Variants in ATXN7 observed in about 807,000 individuals in gnomAD.
ATXN7 encodes ataxin-7.
ATXN7 carries 12 observed loss-of-function variants against 70.5 expected under a neutral mutation model. The ratio of observed to expected loss-of-function variants is 0.17; its 90% CI spans 0.11 to 0.28. ATXN7 has a LOEUF of 0.28. Ranked by LOEUF, ATXN7 falls within the 10% of genes least tolerant of loss-of-function variation. The probability of loss-of-function intolerance (pLI) is 1.00; values close to 1 mark genes in which losing one functional copy is unlikely to be tolerated. For missense variants in ATXN7, 1,256 were observed against 1,131.7 expected (o/e 1.11, Z -1.58); for synonymous variants, 498 against 448.7 (o/e 1.11, Z -1.39).
chr3:63,969,078 A>T (rs2075271882), intron 5 of ATXN7, among the ~76,000 whole-genome samples: 1 of 152,208 alleles, frequency 6.6e-6, no homozygotes, highest in African/African-American at 2.4e-5. Context: ...CAGCCCTGGC[A>T]TGCAGGTGGA....
chr3:63,931,034 T>TGA (rs1480858752), intron 4 of ATXN7, among the ~76,000 whole-genome samples: 1 of 152,140 alleles, frequency 6.6e-6, no homozygotes, highest in African/African-American at 2.4e-5. Context: ...TAAGAAAAGG[T>TGA]GAGACACAAG....
intron 1 of ATXN7, among the ~76,000 whole-genome samples, chr3:63,887,567 C>T (rs1206684233): frequency 6.6e-6 from 1 of 151,902 alleles, no homozygotes; most frequent in Non-Finnish European, 1.5e-5. Flanking sequence ...TTAGATGGAT[C>T]TCTGTTTTAT....
chr3:63,959,896 A>G (rs1429689321), intron 5 of ATXN7, among the ~76,000 whole-genome samples: 2 of 152,212 alleles, frequency 1.3e-5, no homozygotes, highest in Admixed American at 6.5e-5. Flanking sequence ...GGTGCCTAAT[A>G]TATGCTAGGC....
At chr3:63,943,444 T>C (rs962227922) in intron 4 of ATXN7, among the ~76,000 whole-genome samples, 1 of 152,110 alleles carries the variant, frequency 6.6e-6, no homozygotes. Flanking sequence ...GAGTGGGCCC[T>C]GGTAAGCACG....
At chr3:63,900,311 G>T (rs1703588229) in intron 2 of ATXN7, among the ~76,000 whole-genome samples, 1 of 152,196 alleles carries the variant, frequency 6.6e-6, no homozygotes, top group African/African-American at 2.4e-5. Context: ...AAAAATGGTA[G>T]CATTTCAGAC....
chr3:63,887,576 A>G (rs2107237354), intron 1 of ATXN7, among the ~76,000 whole-genome samples: 1 of 151,998 alleles, frequency 6.6e-6, no homozygotes, highest in Admixed American at 6.6e-5. Flanking sequence ...TCTCTGTTTT[A>G]TTATTTATTT....
At chr3:63,961,450 C>A (rs139234571) in intron 5 of ATXN7, among the ~76,000 whole-genome samples, 1 of 152,242 alleles carries the variant, frequency 6.6e-6, no homozygotes, top group Non-Finnish European at 1.5e-5. Flanking sequence ...TATTGATTCT[C>A]CGCATGGAAC....
intron 1 of ATXN7, among the ~76,000 whole-genome samples, chr3:63,880,152 T>A (rs996604347): frequency 2.0e-5 from 3 of 152,094 alleles, no homozygotes; most frequent in Non-Finnish European, 4.4e-5. Flanking sequence ...ATAACTTTAT[T>A]GAGTTTTGAG....
At chr3:63,921,826 G>T (rs1704522175) in intron 4 of ATXN7, among the ~76,000 whole-genome samples, 1 of 152,142 alleles carries the variant, frequency 6.6e-6, no homozygotes, top group African/African-American at 2.4e-5. Flanking sequence ...GGGGTTGGGA[G>T]AATTAAATGA....
In ATXN7 at chr3:64,003,043, CA is replaced by C. The variant is rs2075851204; in HGVS notation, c.*3577del. ...ATTTCTTAATGTCGCTCATTCTGTC[CA>C]GGGGGTTTGGGGCGATTGGGCTTTG... On this transcript the variant is annotated 3_prime_UTR_variant, in exon 13 of 13. Transcript: ENST00000674280. 1 of 151,940 alleles carries C rather than the reference CA, an allele frequency of 6.6e-6. No individual in the cohort carries two copies. 9.4% of individuals were successfully genotyped at this position (151,940 alleles called of 1,614,324 possible).
At chr3:63,948,502 G>T (rs1401474413) in intron 4 of ATXN7, among the ~76,000 whole-genome samples, 2 of 152,166 alleles carry the variant, frequency 1.3e-5, no homozygotes, top group African/African-American at 2.4e-5. Flanking sequence ...TGAGTGGCAT[G>T]TAGAAGTTTG....
intron 4 of ATXN7, among the ~76,000 whole-genome samples, chr3:63,913,502 T>C (rs1298961485): frequency 2.0e-5 from 3 of 152,204 alleles, no homozygotes; most frequent in Non-Finnish European, 4.4e-5. Flanking sequence ...CCTAGATCTC[T>C]GCATTTCTGA....
chr3:63,962,311 G>C (rs567613442), intron 5 of ATXN7, among the ~76,000 whole-genome samples: 1 of 151,960 alleles, frequency 6.6e-6, no homozygotes, highest in African/African-American at 2.4e-5. Context: ...AGAGTTCTTG[G>C]TTTGTATTCT....
At chr3:63,865,098 T>C (rs879496866) in intron 1 of ATXN7, 2 of 152,254 alleles carry the variant, frequency 1.3e-5, no homozygotes, top group Non-Finnish European at 2.9e-5. Context: ...TTGTGTAGGA[T>C]AAACTTGGTT....
At chr3:63,955,566 G>C (rs1280644756) in intron 5 of ATXN7, among the ~76,000 whole-genome samples, 1 of 152,156 alleles carries the variant, frequency 6.6e-6, no homozygotes, top group East Asian at 1.9e-4. Context: ...TTTGGGGACA[G>C]GGGTTGTGAC....
intron 5 of ATXN7, among the ~76,000 whole-genome samples, chr3:63,960,032 A>G (rs1249034889): frequency 6.6e-6 from 1 of 152,202 alleles, no homozygotes; most frequent in Non-Finnish European, 1.5e-5. Context: ...AGATTGTTTC[A>G]GGTAGTGATA....
chr3:63,870,195 A>G (rs2107197431), intron 1 of ATXN7, among the ~76,000 whole-genome samples: 1 of 152,334 alleles, frequency 6.6e-6, no homozygotes, highest in South Asian at 2.1e-4. Context: ...ATGAACACTG[A>G]CATTTGAATT....
At chr3:63,882,471 G>A (rs770288447) in intron 1 of ATXN7, among the ~76,000 whole-genome samples, 38 of 146,070 alleles carry the variant, frequency 2.6e-4, no homozygotes, top group Non-Finnish European at 7.4e-5. Context: ...TGCAACCTCC[G>A]CCTCACAGGT....
chr3:63,872,517 G>A (rs1281831637), intron 1 of ATXN7, among the ~76,000 whole-genome samples: 2 of 152,108 alleles, frequency 1.3e-5, no homozygotes, highest in Non-Finnish European at 2.9e-5. Context: ...GTTCCAGGAG[G>A]GTGAGAACTG....
Sources: allele counts gnomAD v4.1 joint callset (sites outside exome capture counted in the v4.1 genomes callset), GRCh38; gene constraint gnomAD v4.1.1; transcripts MANE v1.5; gene names NCBI Gene and HGNC (gene_info 2026-07-23, HGNC 2026-07-21).